PRELID2: variants seen among roughly 807,000 people sequenced by gnomAD.
PRELID2 encodes PRELI domain-containing protein 2.
PRELID2 carries 25 observed loss-of-function variants against 28.4 expected under a neutral mutation model. The ratio of observed to expected loss-of-function variants is 0.88; its 90% CI spans 0.64 to 1.23. The LOEUF is 1.23. Among genes scored for constraint, PRELID2 ranks in the 50% most tolerant of loss-of-function variants. The pLI is 0.00. For missense variants in PRELID2, 201 were observed against 214.4 expected (o/e 0.94, Z 0.39); for synonymous variants, 76 against 71.6 (o/e 1.06, Z -0.31).
At chr5:145,483,301 T>G (rs1175529230) in intron 1 of PRELID2, among the ~76,000 whole-genome samples, 2 of 152,142 alleles carry the variant, frequency 1.3e-5, no homozygotes, top group African/African-American at 4.8e-5. Context: ...TGAGCCTACA[T>G]TACAAATAGC....
the PRELID2 span, among the ~76,000 whole-genome samples, chr5:145,346,322 C>T: frequency 1.3e-5 from 2 of 152,098 alleles, no homozygotes; most frequent in South Asian, 4.1e-4. Flanking sequence ...TGATCTTAAT[C>T]TCATATCTGT....
the PRELID2 span, among the ~76,000 whole-genome samples, chr5:145,268,922 G>T: frequency 6.6e-6 from 1 of 151,826 alleles, no homozygotes; most frequent in Non-Finnish European, 1.5e-5. Flanking sequence ...ATTTAAAACA[G>T]TATTGTTTGT....
At chr5:145,800,301 TACACACACACAC>T (rs10555229) in intron 4 of PRELID2, among the ~76,000 whole-genome samples, 89 of 138,564 alleles carry the variant, frequency 6.4e-4, no homozygotes, top group African/African-American at 1.3e-3. Flanking sequence ...CCCCTTCTCT[TACACACACACAC>T]ACACACACAC....
intron 5 of PRELID2, among the ~76,000 whole-genome samples, chr5:145,772,147 G>A (rs1470231460): frequency 6.6e-6 from 1 of 151,860 alleles, no homozygotes; most frequent in Admixed American, 6.6e-5. Context: ...CACATACAGT[G>A]TGCCAAGCAC....
the PRELID2 span, among the ~76,000 whole-genome samples, chr5:145,382,929 TA>T: frequency 1.3e-5 from 2 of 151,724 alleles, no homozygotes; most frequent in Non-Finnish European, 2.9e-5. Flanking sequence ...CCAAAATATA[TA>T]ACAATGATCT....
the PRELID2 span, among the ~76,000 whole-genome samples, chr5:145,348,697 C>T: frequency 3.1e-3 from 464 of 151,682 alleles, 1 homozygote; most frequent in African/African-American, 0.011. Flanking sequence ...TCCTTTCCAA[C>T]AATGGTATAA....
intron 1 of PRELID2, among the ~76,000 whole-genome samples, chr5:145,607,367 T>C (rs1042808144): frequency 6.6e-6 from 1 of 152,166 alleles, no homozygotes; most frequent in African/African-American, 2.4e-5. Context: ...TTTCTAACTT[T>C]TTGATGTGGG....
intron 1 of PRELID2, among the ~76,000 whole-genome samples, chr5:145,742,165 A>C (rs1178916560): frequency 8.6e-6 from 1 of 115,916 alleles, no homozygotes; most frequent in South Asian, 2.6e-4. Flanking sequence ...TTATAAATTT[A>C]TTTATTAATT....
chr5:145,611,739 C>G (rs1056270769), intron 1 of PRELID2, among the ~76,000 whole-genome samples: 1 of 152,276 alleles, frequency 6.6e-6, no homozygotes, highest in Middle Eastern at 3.4e-3. Flanking sequence ...CAATCCCTAT[C>G]AAAATCCCAA....
the PRELID2 span, among the ~76,000 whole-genome samples, chr5:145,333,894 C>T: frequency 6.6e-6 from 1 of 151,686 alleles, no homozygotes; most frequent in African/African-American, 2.4e-5. Context: ...GCTTAAAACC[C>T]AGGCCCTTGG....
At chr5:145,282,278 C>T in the PRELID2 span, among the ~76,000 whole-genome samples, 4 of 152,108 alleles carry the variant, frequency 2.6e-5, no homozygotes, top group Non-Finnish European at 4.4e-5. Flanking sequence ...CAAAATGACT[C>T]CAGGGTTTGC....
chr5:145,381,548 A>T, the PRELID2 span: 2 of 152,190 alleles, frequency 1.3e-5, no homozygotes, highest in Non-Finnish European at 2.9e-5. Flanking sequence ...ACAGCCAAAA[A>T]CTTGAAAAAG....
the PRELID2 span, among the ~76,000 whole-genome samples, chr5:145,329,042 C>G: frequency 3.3e-5 from 5 of 152,122 alleles, no homozygotes; most frequent in South Asian, 2.1e-4. Flanking sequence ...AATCCTTTCC[C>G]CATTGCTTGT....
At chr5:145,577,776 A>T (rs191606285) in intron 1 of PRELID2, among the ~76,000 whole-genome samples, 1 of 152,156 alleles carries the variant, frequency 6.6e-6, no homozygotes, top group African/African-American at 2.4e-5. Flanking sequence ...AACAGTGGGT[A>T]ACTATATGTG....
At chr5:145,771,055 C>T (rs1046120173) in intron 5 of PRELID2, among the ~76,000 whole-genome samples, 4 of 152,282 alleles carry the variant, frequency 2.6e-5, no homozygotes, top group East Asian at 3.9e-4. Flanking sequence ...CTTACTGACT[C>T]GCCCACCCAG....
downstream of PRELID2, among the ~76,000 whole-genome samples, chr5:145,468,906 G>A (rs1220053641): frequency 2.6e-5 from 4 of 152,112 alleles, no homozygotes; most frequent in Non-Finnish European, 5.9e-5. Flanking sequence ...CTGTGCAGAA[G>A]CTCTTTAGTT....
chr5:145,620,824 C>T (rs1753763822), intron 1 of PRELID2, among the ~76,000 whole-genome samples: 1 of 150,204 alleles, frequency 6.7e-6, no homozygotes, highest in African/African-American at 2.4e-5. Flanking sequence ...GACCCTGTTA[C>T]ACACACACAC....
At chr5:145,624,480 T>C (rs1274340473) in intron 1 of PRELID2, among the ~76,000 whole-genome samples, 1 of 152,060 alleles carries the variant, frequency 6.6e-6, no homozygotes, top group Non-Finnish European at 1.5e-5. Flanking sequence ...CTTACTGTCC[T>C]GGAGATTCCA....
At chr5:145,769,646 T>A (rs1001491151) in intron 5 of PRELID2, among the ~76,000 whole-genome samples, 3 of 152,162 alleles carry the variant, frequency 2.0e-5, no homozygotes, top group Admixed American at 6.5e-5. Context: ...ACAGAATTGC[T>A]CATTCAATTA....
Sources: gnomAD v4.1 joint callset for allele counts (sites outside exome capture counted in the v4.1 genomes callset) on GRCh38, gnomAD v4.1.1 for gene constraint, MANE v1.5 for transcripts, NCBI Gene and HGNC (gene_info 2026-07-23, HGNC 2026-07-21) for gene names.